OPRM1: variants seen among roughly 807,000 people sequenced by gnomAD.
OPRM1 encodes the protein opioid receptor mu 1, also known as mu-type opioid receptor.
In OPRM1, 27 loss-of-function variants were observed where a neutral mutation model predicts 31.8. That is an observed-to-expected ratio of 0.85 (90% CI 0.63 to 1.17). The LOEUF is 1.17. OPRM1 is among the 50% of genes most tolerant of loss of function. OPRM1 has a pLI of 0.00. For synonymous variants in OPRM1, 196 were observed against 189.9 expected (o/e 1.03, Z -0.26); for missense variants, 536 against 511.1 (o/e 1.05, Z -0.47).
chr6:154,065,914 A>G (rs1302038464), intron 1 of OPRM1, among the ~76,000 whole-genome samples: 4 of 152,084 alleles, frequency 2.6e-5, no homozygotes, highest in Non-Finnish European at 2.9e-5. Flanking sequence ...ATTTTCATAT[A>G]CAGCTTTTAA....
intron 1 of OPRM1, among the ~76,000 whole-genome samples, chr6:154,063,139 A>G (rs1282140076): frequency 1.3e-5 from 2 of 152,082 alleles, no homozygotes; most frequent in Admixed American, 1.3e-4. Flanking sequence ...CAAATGCACA[A>G]TGCTAACAAT....
rs202115383 is a variant in OPRM1, at chr6:154,091,450, C to T, written c.1142C>T (p.Thr381Ile). ...NTRDHPSTAN[T>I]VDRTNHQLEN... is the part of the protein sequence containing the mutation. ...AGAGACCACCCCTCCACGGCCAATACAGTGGATAGAACTAATCATCAGGTA... is the reference window on the plus strand; with the variant it reads ...AGAGACCACCCCTCCACGGCCAATATAGTGGATAGAACTAATCATCAGGTA... Residue 381 changes from threonine to isoleucine, a missense_variant, in exon 3 of 4, where the codon ACA (threonine) becomes ATA (isoleucine). Physicochemically the swap from Thr to Ile is moderately conservative, Grantham distance 89 (BLOSUM62 -1). Transcript: ENST00000330432. 3.1e-6 allele frequency: 5 copies of T among 1,612,840 alleles called. No individual in the cohort carries two copies. Among genetic ancestry groups the T allele is most frequent in the Non-Finnish European group, 4.2e-6 (5 of 1,180,000 alleles).
chr6:154,188,880 T>C (rs1285346113), intron 3 of OPRM1, among the ~76,000 whole-genome samples: 2 of 152,158 alleles, frequency 1.3e-5, no homozygotes, highest in Admixed American at 6.5e-5. Context: ...CTAACGTTTA[T>C]AAAATATGGA....
chr6:154,019,563 C>T (rs777071457), intron 1 of OPRM1, among the ~76,000 whole-genome samples: 1 of 152,020 alleles, frequency 6.6e-6, no homozygotes, highest in Non-Finnish European at 1.5e-5. Flanking sequence ...TTCCTCCCTC[C>T]CTCCAATCTC....
In OPRM1 at chr6:154,127,663, A is replaced by T. The variant is rs564916255; in HGVS notation, c.*8942A>T. On this transcript the variant is annotated 3_prime_UTR_variant, in exon 4 of 4. Coordinates refer to ENST00000330432, the MANE Select transcript of OPRM1 (RefSeq NM_000914.5). Reference sequence around the variant, plus strand: ...AAATAACAACTCTCTTCTCTCCATCATTTTGACTTAGAGCCAGTCAGAATT... The same window carrying T: ...AAATAACAACTCTCTTCTCTCCATCTTTTTGACTTAGAGCCAGTCAGAATT... 6.6e-6 allele frequency among the ~76,000 whole-genome samples: 1 copy of T among 152,042 alleles called. No homozygotes were observed. The highest frequency in any genetic ancestry group is 6.6e-5 in the Admixed American group (1 of 15,258).
chr6:154,212,148 C>G (rs1371544585), intron 3 of OPRM1, among the ~76,000 whole-genome samples: 1 of 152,130 alleles, frequency 6.6e-6, no homozygotes, highest in Non-Finnish European at 1.5e-5. Context: ...ATGACCCTTC[C>G]TCGGGGCCAT....
intron 3 of OPRM1, among the ~76,000 whole-genome samples, chr6:154,195,674 G>C (rs1776557641): frequency 6.6e-6 from 1 of 151,894 alleles, no homozygotes; most frequent in African/African-American, 2.4e-5. Context: ...GGAGTGCTCT[G>C]TATCTCTTCT....
chr6:154,140,977 G>C (rs1262456855), intron 3 of OPRM1, among the ~76,000 whole-genome samples: 2 of 152,184 alleles, frequency 1.3e-5, no homozygotes. Flanking sequence ...TTCAGTACTA[G>C]ACTTACAGTT....
intron 1 of OPRM1, among the ~76,000 whole-genome samples, chr6:154,056,982 A>G (rs182901432): frequency 1.8e-4 from 27 of 152,364 alleles, no homozygotes; most frequent in African/African-American, 6.5e-4. Flanking sequence ...AGCAGATAGC[A>G]TTAATTGAAA....
At position 154,083,090 on chromosome 6, in the gene OPRM1, G is replaced by A. The variant is rs185921585; in HGVS notation, c.291-6736G>A. 1.2e-4 allele frequency among the ~76,000 whole-genome samples: 19 copies of A among 152,216 alleles called. No individual in the cohort carries two copies. The East Asian group carries it at 2.9e-3, about 23-fold the overall frequency. On this transcript the variant is annotated intron_variant, in intron 1 of 3. Transcript: ENST00000330432. ...AATAATGCAGGAAATGGGCACTTCC[G>A]GAAAGCATAATACAAAAATGGGAAA...
At chr6:154,100,798 C>T (rs1005439954) in intron 3 of OPRM1, among the ~76,000 whole-genome samples, 1 of 150,630 alleles carries the variant, frequency 6.6e-6, no homozygotes, top group Non-Finnish European at 1.5e-5. Context: ...TCTAGCAATC[C>T]CTACCTAGGT....
intron 1 of OPRM1, among the ~76,000 whole-genome samples, chr6:154,076,446 T>C (rs1583391604): frequency 6.6e-6 from 1 of 152,136 alleles, no homozygotes; most frequent in Admixed American, 6.5e-5. Flanking sequence ...AACCCAGAAA[T>C]AGATGAAATT....
At chr6:154,184,549 A>G (rs12203560) in intron 3 of OPRM1, among the ~76,000 whole-genome samples, 11,975 of 152,116 alleles carry the variant, frequency 0.079, 977 homozygotes, top group East Asian at 0.42. Context: ...ATGTATATAT[A>G]TATATGCGCA....
chr6:154,039,478 T>TG lies in OPRM1; in HGVS notation c.-65dup. ...GGCGAAAGGAAGCGGCTGAGGCGCT[T>TG]GGAACCCGAAAAGTCTCGGTGCTCC... On this transcript the variant is annotated 5_prime_UTR_variant, in exon 1 of 4. Transcript: ENST00000330432. The TG allele has an allele frequency of 6.4e-7, 1 of 1,558,212 alleles. No homozygotes were observed. Among genetic ancestry groups the TG allele is most frequent in the Non-Finnish European group, 8.7e-7 (1 of 1,150,740 alleles).
chr6:154,059,552 C>G (rs900218326), intron 1 of OPRM1, among the ~76,000 whole-genome samples: 17 of 152,140 alleles, frequency 1.1e-4, no homozygotes, highest in African/African-American at 4.1e-4. Flanking sequence ...ATTTGCATAT[C>G]TCCACTTACA....
rs1794485337 is a variant in OPRM1, at chr6:154,100,114, ATATTATCATATTATG to A, written c.1164+8643_1164+8657del. 4.7e-5 allele frequency among the ~76,000 whole-genome samples: 2 copies of A among 42,454 alleles called. 1 individual carries two copies. The highest frequency in any genetic ancestry group is 9.3e-5 in the Non-Finnish European group (2 of 21,418). 27.9% of individuals were successfully genotyped at this position (42,454 alleles called of 152,430 possible). Reference sequence around the variant, plus strand: ...TATCATATTATGATATATATATTATATATTATCATATTATGACATATAATATATATTATCATATTA... The same window carrying A: ...TATCATATTATGATATATATATTATAACATATAATATATATTATCATATTA... On this transcript the variant is annotated intron_variant, in intron 3 of 3. Coordinates refer to ENST00000330432, the MANE Select transcript of OPRM1 (RefSeq NM_000914.5).
At chr6:154,114,886 A>AC (rs978445885) in intron 3 of OPRM1, among the ~76,000 whole-genome samples, 5 of 151,984 alleles carry the variant, frequency 3.3e-5, no homozygotes, top group African/African-American at 1.2e-4. Flanking sequence ...TAAAAAAAAA[A>AC]AAACAAAAAA....
chr6:154,055,322 A>C (rs185804242), intron 1 of OPRM1, among the ~76,000 whole-genome samples: 104 of 152,260 alleles, frequency 6.8e-4, no homozygotes, highest in African/African-American at 2.3e-3. Flanking sequence ...TGAGAGGTGA[A>C]GGTTGCAGTG....
chr6:154,187,053 C>CT (rs1801435689), intron 3 of OPRM1, among the ~76,000 whole-genome samples: 1 of 152,220 alleles, frequency 6.6e-6, no homozygotes, highest in Non-Finnish European at 1.5e-5. Flanking sequence ...ACTCCACACT[C>CT]TGTCTTCCTG....
Sources: gnomAD v4.1 joint callset for allele counts (sites outside exome capture counted in the v4.1 genomes callset) on GRCh38, gnomAD v4.1.1 for gene constraint, MANE v1.5 for transcripts, NCBI Gene and HGNC (gene_info 2026-07-23, HGNC 2026-07-21) for gene names.